Variants in CDT1 observed in about 807,000 individuals in gnomAD.
CDT1 encodes the protein DNA replication factor Cdt1.
CDT1 carries 66 observed loss-of-function variants against 49.3 expected under a neutral mutation model. The ratio of observed to expected loss-of-function variants is 1.34; its 90% CI spans 1.10 to 1.64. CDT1 has a LOEUF of 1.64. Ranked by LOEUF, CDT1 falls within the 40% of genes most tolerant of loss-of-function variation. CDT1 has a pLI of 0.00. For synonymous variants in CDT1, 424 were observed against 347.4 expected (o/e 1.22, Z -2.45); for missense variants, 958 against 807.7 (o/e 1.19, Z -2.26).
At position 88,805,705 on chromosome 16, in the gene CDT1, C is replaced by T. The variant is rs750158020; in HGVS notation, c.687-19C>T. On this transcript the variant is annotated intron_variant, in intron 4 of 9. Coordinates refer to ENST00000301019, the MANE Select transcript of CDT1 (RefSeq NM_030928.4). ...GTGGGCCCGGGCCTGCCTCCTGAGC[C>T]GCCCCCATCCTCCCATAGGCGTTTT... 15 of 1,612,644 alleles carry T rather than the reference C, an allele frequency of 9.3e-6. No individual in the cohort carries two copies. Among genetic ancestry groups the T allele is most frequent in the Admixed American group, 3.3e-5 (2 of 60,002 alleles).
rs199838984 is a variant in CDT1, at chr16:88,807,015, T to A, written c.1123-36T>A. On this transcript the variant is annotated intron_variant, in intron 7 of 9. Coordinates refer to ENST00000301019, the MANE Select transcript of CDT1 (RefSeq NM_030928.4). ...CAGACAGCCAGGGGCACGTTGCATC[T>A]TGTGACCTCTCCAGTCCAACCTGTC... is the stretch of plus-strand genomic sequence containing the variant. 1.9e-6 allele frequency: 3 copies of A among 1,612,640 alleles called. No individual in the cohort carries two copies. In the East Asian group the frequency reaches 6.7e-5, roughly 36 times the overall value.
chr16:88,805,814 G>A lies in CDT1; in HGVS notation c.777G>A (p.Lys259=), dbSNP rs756480674. The change falls in exon 5 of 10, where the codon AAG becomes AAA. Residue 259 remains lysine (K), a synonymous_variant. Coordinates refer to ENST00000301019, the MANE Select transcript of CDT1 (RefSeq NM_030928.4). ...FRQERSVPTF[K]DGTRRSDYQL... is the part of the protein sequence containing the mutation. ...AGGAGCGCAGTGTCCCCACCTTCAA[G>A]GATGGCACCAGGAGGTCAGATTACC... 19 of 1,613,046 alleles carry A rather than the reference G, an allele frequency of 1.2e-5. No individual in the cohort carries two copies. The highest frequency in any genetic ancestry group is 1.6e-4 in the Middle Eastern group (1 of 6,066).
chr16:88,808,231 A>G lies in CDT1; in HGVS notation c.1594A>G (p.Ile532Val), dbSNP rs779617525. 1.2e-6 allele frequency: 2 copies of G among 1,607,086 alleles called. No homozygotes were observed. The highest frequency in any genetic ancestry group is 1.7e-6 in the Non-Finnish European group (2 of 1,177,442). Residue 532 changes from isoleucine to valine, a missense_variant, in exon 10 of 10, where the codon ATC becomes GTC. Coordinates refer to ENST00000301019, the MANE Select transcript of CDT1 (RefSeq NM_030928.4). Reference sequence around the variant, plus strand: ...GGACAAGGCCGCGGACCTCGCCCACATCACTGCACGCCTGGCCCACCAGAC... The same window carrying G: ...GGACAAGGCCGCGGACCTCGCCCACGTCACTGCACGCCTGGCCCACCAGAC... ...KLDKAADLAH[I>V]TARLAHQTRA...
In CDT1 at chr16:88,803,911, G is replaced by T; in HGVS notation, c.80G>T (p.Cys27Phe). The change falls in exon 1 of 10, where the codon TGC becomes TTC. Residue 27 changes from cysteine to phenylalanine, a missense_variant. Coordinates refer to ENST00000301019, the MANE Select transcript of CDT1 (RefSeq NM_030928.4). ...PPRIAPPKLA[C>F]RTPSPARPAL... ...CGCATCGCGCCGCCCAAGCTGGCCT[G>T]CCGCACCCCCAGCCCCGCCAGGCCC... 1.4e-6 allele frequency: 2 copies of T among 1,395,030 alleles called. No individual in the cohort carries two copies. Among genetic ancestry groups the T allele is most frequent in the Non-Finnish European group, 1.9e-6 (2 of 1,070,548 alleles). The allele number at this position is 1,395,030 out of a possible 1,614,324, so 86.4% of individuals were successfully genotyped here.
chr16:88,807,362 C>A lies in CDT1; in HGVS notation c.1357C>A (p.Arg453=). 2 of 1,612,572 alleles carry A rather than the reference C, an allele frequency of 1.2e-6. No homozygotes were observed. The highest frequency in any genetic ancestry group is 1.3e-5 in the African/African-American group (1 of 75,060). ...EQEQRLQRLE[R]LPELARVLRS... is the part of the protein sequence containing the mutation. ...GGAGCAGCGGCTGCAGCGCTTAGAA[C>A]GGCTGCCTGAGCTGGCCCGCGTGCT... Residue 453 remains arginine, a synonymous_variant, in exon 9 of 10, where the codon CGG becomes AGG. Coordinates refer to ENST00000301019, the MANE Select transcript of CDT1 (RefSeq NM_030928.4).
chr16:88,807,599 G>T, intron 9 of CDT1, 117 bp downstream of exon 9: 1 of 1,041,674 alleles, frequency 9.6e-7, no homozygotes, highest in East Asian at 2.6e-5. Flanking sequence ...CAGATGTGCA[G>T]TGGGCGCTGG....
chr16:88,805,679 G>A (rs200871594), intron 4 of CDT1, 42 bp downstream of exon 4: 31 of 1,612,602 alleles, frequency 1.9e-5, no homozygotes, highest in East Asian at 4.5e-5. Flanking sequence ...TGGAGTTGGG[G>A]GTGGGCCCGG....
chr16:88,807,274 G>C lies in CDT1; in HGVS notation c.1276-7G>C. The C allele has an allele frequency of 6.2e-7, 1 of 1,611,918 alleles. No homozygotes were observed. The highest frequency in any genetic ancestry group is 8.5e-7 in the Non-Finnish European group (1 of 1,179,880). Reference sequence around the variant, plus strand: ...GCCCACTAACCAGGTCCCGGTACCTGCTGCAGATCCGAGCCAAGGAGGCAC... The same window carrying C: ...GCCCACTAACCAGGTCCCGGTACCTCCTGCAGATCCGAGCCAAGGAGGCAC... On this transcript the variant is annotated splice_polypyrimidine_tract_variant and splice_region_variant and intron_variant, in intron 8 of 9. Coordinates refer to ENST00000301019, the MANE Select transcript of CDT1 (RefSeq NM_030928.4).
Position 88,808,715 on chromosome 16 carries a change from G to T in CDT1, c.*437G>T, listed in dbSNP as rs1393109963. 2.0e-5 allele frequency: 4 copies of T among 202,746 alleles called. No individual in the cohort carries two copies. The highest frequency in any genetic ancestry group is 3.1e-5 in the Non-Finnish European group (3 of 98,032). 12.6% of individuals were successfully genotyped at this position (202,746 alleles called of 1,614,324 possible). A position where few individuals can be genotyped will look rare whatever the true frequency, so the allele number is the denominator to read the frequency against. On this transcript the variant is annotated 3_prime_UTR_variant, in exon 10 of 10. Coordinates refer to ENST00000301019, the MANE Select transcript of CDT1 (RefSeq NM_030928.4). Reference sequence around the variant, plus strand: ...TGACTTTTGTCATTAAGAAAGACTGGGGTGGGTGTGGTGGCTCACGCCTGT... The same window carrying T: ...TGACTTTTGTCATTAAGAAAGACTGTGGTGGGTGTGGTGGCTCACGCCTGT...
chr16:88,807,272 C>T lies in CDT1; in HGVS notation c.1276-9C>T, dbSNP rs773268104. 7.4e-6 allele frequency: 12 copies of T among 1,611,984 alleles called. No individual in the cohort carries two copies. The highest frequency in any genetic ancestry group is 1.0e-5 in the Non-Finnish European group (12 of 1,179,862). On this transcript the variant is annotated splice_polypyrimidine_tract_variant and intron_variant, in intron 8 of 9. Transcript: ENST00000301019. ...CTGCCCACTAACCAGGTCCCGGTAC[C>T]TGCTGCAGATCCGAGCCAAGGAGGC... is the stretch of plus-strand genomic sequence containing the variant.
At chr16:88,806,757 GTGA>G in intron 7 of CDT1, 83 bp downstream of exon 7, 1 of 1,503,596 alleles carries the variant, frequency 6.7e-7, no homozygotes, top group Non-Finnish European at 9.0e-7. Context: ...GGAAGCCTTG[GTGA>G]TGAGCTTGAC....
rs542997068 is a variant in CDT1 at position 88,805,613 on chromosome 16, G to A, written c.662G>A (p.Arg221Gln). ...ACGCCCACCTTTGCCAAGGTCCAGC[G>A]GGGCGTCCAGGACATGATGCGTAGG... is the stretch of plus-strand genomic sequence containing the variant. ...SETPTFAKVQRGVQDMMRRRF... is the reference protein window; with the variant it reads ...SETPTFAKVQQGVQDMMRRRF... The change falls in exon 4 of 10, where the codon CGG becomes CAG. Residue 221 changes from arginine (R) to glutamine (Q), a missense_variant. Transcript: ENST00000301019. 5.0e-6 allele frequency: 8 copies of A among 1,612,776 alleles called. No homozygotes were observed. Among genetic ancestry groups the A allele is most frequent in the East Asian group, 4.5e-5 (2 of 44,872 alleles).
At position 88,807,377 on chromosome 16, in the gene CDT1, G is replaced by A. The variant is rs1407840826; in HGVS notation, c.1372G>A (p.Ala458Thr). The change falls in exon 9 of 10, where the codon GCC becomes ACC. Residue 458 changes from alanine (A) to threonine (T), a missense_variant. Coordinates refer to ENST00000301019, the MANE Select transcript of CDT1 (RefSeq NM_030928.4). The part of the protein sequence containing the change: ...LQRLERLPEL[A>T]RVLRSVFVSE... ...GCGCTTAGAACGGCTGCCTGAGCTG[G>A]CCCGCGTGCTGCGGAGCGTCTTTGT... The A allele has an allele frequency of 1.2e-6, 2 of 1,612,564 alleles. No individual in the cohort carries two copies. Among genetic ancestry groups the A allele is most frequent in the Admixed American group, 1.7e-5 (1 of 60,000 alleles).
chr16:88,805,398 A>G, intron 3 of CDT1, 42 bp from the exon 4 acceptor site: 1 of 1,607,910 alleles, frequency 6.2e-7, no homozygotes, highest in Non-Finnish European at 8.5e-7. Flanking sequence ...TTGGAGGGGT[A>G]GGGGCCTACT....
At chr16:88,807,947 C>A (rs1193138471) in intron 9 of CDT1, among the ~76,000 whole-genome samples, 168 bp from the exon 10 acceptor site, 1 of 152,236 alleles carries the variant, frequency 6.6e-6, no homozygotes, top group Non-Finnish European at 1.5e-5. Context: ...GTTCACACCA[C>A]CCAGACCTGG....
Position 88,805,464 on chromosome 16 carries a change from G to A in CDT1, c.513G>A (p.Gln171=). ...EPCGEKAPAY[Q]RFHALAQPGL... ...GTGGCGAGAAGGCGCCCGCCTACCAGCGCTTCCATGCCCTGGCCCAGCCCG... is the reference window on the plus strand; with the variant it reads ...GTGGCGAGAAGGCGCCCGCCTACCAACGCTTCCATGCCCTGGCCCAGCCCG... Residue 171 remains glutamine, a synonymous_variant, in exon 4 of 10, where the codon CAG becomes CAA. Coordinates refer to ENST00000301019, the MANE Select transcript of CDT1 (RefSeq NM_030928.4). 1.2e-6 allele frequency: 2 copies of A among 1,612,804 alleles called. No individual in the cohort carries two copies. The highest frequency in any genetic ancestry group is 1.7e-6 in the Non-Finnish European group (2 of 1,179,940).
chr16:88,805,931 G>T, intron 5 of CDT1, 62 bp downstream of exon 5: 1 of 1,598,438 alleles, frequency 6.3e-7, no homozygotes, highest in African/African-American at 1.3e-5. Flanking sequence ...TCCAGGGTGG[G>T]TGTGAGGTGC....
Position 88,808,436 on chromosome 16 carries a change from G to T in CDT1, c.*158G>T, listed in dbSNP as rs150410264. 1.8e-5 allele frequency: 15 copies of T among 831,446 alleles called. No individual in the cohort carries two copies. Among genetic ancestry groups the T allele is most frequent in the Non-Finnish European group, 2.6e-5 (14 of 547,412 alleles). 51.5% of individuals were successfully genotyped at this position (831,446 alleles called of 1,614,324 possible). On this transcript the variant is annotated 3_prime_UTR_variant, in exon 10 of 10. Coordinates refer to ENST00000301019, the MANE Select transcript of CDT1 (RefSeq NM_030928.4). ...GGGCTGCAGGCTGCACAGCCCGAGG[G>T]TCTCTGGCTGCGGGCGGTGGGCCCC...
At position 88,808,913 on chromosome 16, in the gene CDT1, G is replaced by A. The variant is rs926671128; in HGVS notation, c.*635G>A. 2.5e-5 allele frequency: 4 copies of A among 162,390 alleles called. No individual in the cohort carries two copies. The highest frequency in any genetic ancestry group is 3.6e-4 in the East Asian group (2 of 5,536). The allele number at this position is 162,390 out of a possible 1,614,324, so 10.1% of individuals were successfully genotyped here. On this transcript the variant is annotated 3_prime_UTR_variant, in exon 10 of 10. Transcript: ENST00000301019. ...AGGGAGGCTGAGGCAGGAGAATGGT[G>A]TGAACCCAGGAGGCACAGCTTGCAG...
Sources: gnomAD v4.1 joint callset for allele counts (sites outside exome capture counted in the v4.1 genomes callset) on GRCh38, gnomAD v4.1.1 for gene constraint, MANE v1.5 for transcripts, NCBI Gene and HGNC (gene_info 2026-07-23, HGNC 2026-07-21) for gene names.